The following ANXA2 variants were observed in gnomAD, a reference collection of about 807,000 sequenced individuals.
ANXA2 encodes annexin II.
A neutral mutation model predicts 47.3 loss-of-function variants in ANXA2; 28 were observed. The observed-to-expected ratio is 0.59, with a 90% CI of 0.44 to 0.81. The LOEUF (loss-of-function observed/expected upper bound fraction) is 0.81, where lower values mean the gene tolerates loss of function less well. Among genes scored for constraint, ANXA2 ranks in the 40% least tolerant of loss-of-function variants. ANXA2 has a pLI of 0.00. For missense variants in ANXA2, 384 were observed against 414.3 expected (o/e 0.93, Z 0.64); for synonymous variants, 172 against 155.5 (o/e 1.11, Z -0.79).
chr15:60,366,535 G>C (rs1356007812), intron 3 of ANXA2, among the ~76,000 whole-genome samples: 3 of 149,690 alleles, frequency 2.0e-5, no homozygotes, highest in Non-Finnish European at 3.0e-5. Context: ...CTGCCCGGCC[G>C]CTCCGTCTGA....
chr15:60,392,017 CT>C (rs1312446923), intron 1 of ANXA2, among the ~76,000 whole-genome samples: 1 of 152,160 alleles, frequency 6.6e-6, no homozygotes, highest in Non-Finnish European at 1.5e-5. Context: ...TAAAATGACC[CT>C]TTATCAGAGA....
chr15:60,390,992 A>AT (rs1236663551), intron 1 of ANXA2: 2 of 152,710 alleles, frequency 1.3e-5, no homozygotes, highest in East Asian at 3.8e-4. Flanking sequence ...AACACTGGTA[A>AT]TACGCAAGGA....
chr15:60,393,763 A>G (rs1217727160), intron 1 of ANXA2: 22 of 884,824 alleles, frequency 2.5e-5, no homozygotes, highest in Admixed American at 6.2e-5. Context: ...ACATGTGTAA[A>G]GTCTGTCTTC....
chr15:60,390,326 A>G, intron 1 of ANXA2: 1 of 972,188 alleles, frequency 1.0e-6, no homozygotes, highest in South Asian at 2.4e-5. Context: ...CCCTAGAAAT[A>G]AAATATGGCC....
chr15:60,355,955 A>C lies in ANXA2; in HGVS notation c.492T>G (p.Ser164=), dbSNP rs1321370688. The part of the protein sequence containing the change: ...DLEKDIISDT[S]GDFRKLMVAL... ...CAACCATCAGCTTGCGGAAGTCACCAGATGTGTCCGAAATAATGTCCTTCT... is the reference window on the plus strand; with the variant it reads ...CAACCATCAGCTTGCGGAAGTCACCCGATGTGTCCGAAATAATGTCCTTCT... Residue 164 remains serine, a synonymous_variant, in exon 7 of 13, where the codon TCT becomes TCG. Transcript: ENST00000451270. 3 of 1,614,098 alleles carry C rather than the reference A, an allele frequency of 1.9e-6. No homozygotes were observed. Among genetic ancestry groups the C allele is most frequent in the Non-Finnish European group, 2.5e-6 (3 of 1,180,018 alleles).
chr15:60,367,455 T>C (rs1485075830), intron 3 of ANXA2, among the ~76,000 whole-genome samples: 5 of 37,526 alleles, frequency 1.3e-4, no homozygotes, highest in African/African-American at 2.5e-4. Context: ...CAGCCCCCCT[T>C]CCGGCCGGCC....
chr15:60,371,934 G>A lies in ANXA2; in HGVS notation c.149-7411C>T, dbSNP rs570730603. ...TGGGAGGCCAAGGTGGGCGGACCAC[G>A]AGGTCAGGAGTTTGAGATCAGCCTC... On this transcript the variant is annotated intron_variant, in intron 3 of 12. Transcript: ENST00000451270. Among the ~76,000 whole-genome samples the A allele has an allele frequency of 1.3e-4, 20 of 152,216 alleles. 1 individual carries two copies. The South Asian group carries it at 4.2e-3, about 32-fold the overall frequency.
chr15:60,397,210 TG>T (rs2063092099), intron 1 of ANXA2: 1 of 928,470 alleles, frequency 1.1e-6, no homozygotes, highest in East Asian at 1.2e-4. Context: ...TGTCACATCA[TG>T]GCGAGTAACA....
At chr15:60,363,349 G>A (rs12439486) in intron 4 of ANXA2, among the ~76,000 whole-genome samples, 1 of 152,188 alleles carries the variant, frequency 6.6e-6, no homozygotes. Flanking sequence ...CAACCATTTA[G>A]AGTGCGGGGG....
At chr15:60,384,256 C>G (rs935680065) in intron 2 of ANXA2, 1 of 152,188 alleles carries the variant, frequency 6.6e-6, no homozygotes, top group Non-Finnish European at 1.5e-5. Flanking sequence ...GGCAGGCAGT[C>G]CAGGCATTGA....
chr15:60,389,793 T>G lies in ANXA2; in HGVS notation c.-11-3707A>C, dbSNP rs901875196. Among the ~76,000 whole-genome samples, 4 of 152,212 alleles carry G rather than the reference T, an allele frequency of 2.6e-5. No individual in the cohort carries two copies. In the East Asian group the frequency reaches 5.8e-4, roughly 22 times the overall value. ...TGTTTACTCCTCAGCTACAGTTGAC[T>G]AGGGCCAAAATGTGACTTGCCTCTC... On this transcript the variant is annotated intron_variant, in intron 1 of 12. Coordinates refer to ENST00000451270, the MANE Select transcript of ANXA2 (RefSeq NM_004039.3).
chr15:60,366,816 G>T (rs1265949744), intron 3 of ANXA2, among the ~76,000 whole-genome samples: 11 of 50,320 alleles, frequency 2.2e-4, no homozygotes, highest in African/African-American at 9.1e-4. Context: ...GGGGGGGGGG[G>T]TCGGCCAGCC....
chr15:60,389,111 C>A (rs903095543), intron 1 of ANXA2, among the ~76,000 whole-genome samples: 7 of 152,152 alleles, frequency 4.6e-5, no homozygotes, highest in African/African-American at 9.7e-5. Flanking sequence ...TTAACTATCA[C>A]CCCTGGACTC....
intron 11 of ANXA2, among the ~76,000 whole-genome samples, chr15:60,349,666 C>T (rs1209543817): frequency 6.7e-6 from 1 of 149,946 alleles, no homozygotes; most frequent in African/African-American, 2.5e-5. Flanking sequence ...TTCATGTAAC[C>T]GAACACTACT....
chr15:60,372,818 T>C (rs1380188397), intron 3 of ANXA2, among the ~76,000 whole-genome samples: 1 of 151,612 alleles, frequency 6.6e-6, no homozygotes, highest in Non-Finnish European at 1.5e-5. Context: ...CTCAACCTCC[T>C]GAGTAGCTGG....
At chr15:60,373,883 G>GA (rs2062742500) in intron 3 of ANXA2, among the ~76,000 whole-genome samples, 1 of 152,244 alleles carries the variant, frequency 6.6e-6, no homozygotes, top group South Asian at 2.1e-4. Flanking sequence ...ATGGGGCAAA[G>GA]AAAGATAGAG....
chr15:60,354,916 G>C (rs996916962), intron 7 of ANXA2, among the ~76,000 whole-genome samples: 2 of 152,156 alleles, frequency 1.3e-5, no homozygotes, highest in East Asian at 1.9e-4. Flanking sequence ...CACAAAATGC[G>C]GGCGGAGGAA....
At chr15:60,394,354 CAG>C in intron 1 of ANXA2, among the ~76,000 whole-genome samples, 1 of 152,274 alleles carries the variant, frequency 6.6e-6, no homozygotes, top group Middle Eastern at 3.4e-3. Context: ...GGGTAAAACT[CAG>C]GCCACTTGGG....
rs1387483148 is a variant in ANXA2, at chr15:60,374,407, T to C, written c.148+7935A>G. 2.0e-5 allele frequency: 9 copies of C among 453,390 alleles called. No individual in the cohort carries two copies. The East Asian group carries it at 5.6e-4, about 28-fold the overall frequency. 28.1% of individuals were successfully genotyped at this position (453,390 alleles called of 1,614,324 possible). On this transcript the variant is annotated intron_variant, in intron 3 of 12. Transcript: ENST00000451270. Reference sequence around the variant, plus strand: ...CCTCATGGGACAGAAAATTAAAAAATGTGAACAGATGCGAGAGAAACCAAC... The same window carrying C: ...CCTCATGGGACAGAAAATTAAAAAACGTGAACAGATGCGAGAGAAACCAAC...
Sources: gnomAD v4.1 joint callset for allele counts (sites outside exome capture counted in the v4.1 genomes callset) on GRCh38, gnomAD v4.1.1 for gene constraint, MANE v1.5 for transcripts, NCBI Gene and HGNC (gene_info 2026-07-23, HGNC 2026-07-21) for gene names.